Variants in TOM1L1 observed in about 807,000 individuals in gnomAD.
TOM1L1 encodes TOM1-like protein 1.
A neutral mutation model predicts 63.4 loss-of-function variants in TOM1L1; 64 were observed. That is an observed-to-expected ratio of 1.01 (90% CI 0.83 to 1.24). TOM1L1 has a LOEUF of 1.24. Among genes scored for constraint, TOM1L1 ranks in the 50% most tolerant of loss-of-function variants. The pLI is 0.00. For synonymous variants in TOM1L1, 166 were observed against 194.4 expected (o/e 0.85, Z 1.22); for missense variants, 536 against 567.0 (o/e 0.95, Z 0.55).
intron 3 of TOM1L1, among the ~76,000 whole-genome samples, chr17:54,911,060 T>C (rs1183127412): frequency 6.6e-6 from 1 of 152,226 alleles, no homozygotes; most frequent in Non-Finnish European, 1.5e-5. Flanking sequence ...CTTTTAGAAA[T>C]CTACTTCCTG....
At chr17:54,959,681 G>C (rs764047527) in intron 14 of TOM1L1, among the ~76,000 whole-genome samples, 12 of 148,602 alleles carry the variant, frequency 8.1e-5, no homozygotes, top group Non-Finnish European at 1.6e-4. Flanking sequence ...GCAGTGGCAC[G>C]ATCTCAGCTC....
chr17:54,947,601 C>T (rs191370451), intron 12 of TOM1L1, among the ~76,000 whole-genome samples: 21 of 152,276 alleles, frequency 1.4e-4, no homozygotes, highest in Non-Finnish European at 2.1e-4. Context: ...AACTGCAGTT[C>T]CATAGTCCCT....
intron 1 of TOM1L1, chr17:54,901,271 C>T (rs2048322758): frequency 2.8e-6 from 1 of 359,572 alleles, no homozygotes; most frequent in Admixed American, 3.8e-5. Flanking sequence ...CCTAAAGGCA[C>T]ATTCTCCAGG....
intron 11 of TOM1L1, among the ~76,000 whole-genome samples, chr17:54,943,838 C>T (rs989111426): frequency 3.3e-5 from 5 of 151,890 alleles, no homozygotes; most frequent in African/African-American, 7.3e-5. Context: ...ATTAGCTGGG[C>T]GTGGTGGCAG....
chr17:54,921,237 A>C (rs1033766528), intron 7 of TOM1L1, among the ~76,000 whole-genome samples: 2 of 152,162 alleles, frequency 1.3e-5, no homozygotes, highest in African/African-American at 2.4e-5. Context: ...TGCTTTCTTG[A>C]AAGTGTAGGC....
intron 7 of TOM1L1, among the ~76,000 whole-genome samples, chr17:54,928,128 T>G (rs1314894496): frequency 6.6e-6 from 1 of 152,162 alleles, no homozygotes; most frequent in African/African-American, 2.4e-5. Context: ...GGGGGTTATA[T>G]TAAATGCCAT....
chr17:54,913,981 A>C, intron 5 of TOM1L1, 108 bp downstream of exon 5: 2 of 1,261,652 alleles, frequency 1.6e-6, no homozygotes, highest in Non-Finnish European at 2.1e-6. Context: ...AAAAAGATGA[A>C]GTTATTAGAA....
At chr17:54,961,193 A>G in intron 15 of TOM1L1, 42 bp from the exon 16 acceptor site, 1 of 1,274,430 alleles carries the variant, frequency 7.8e-7, no homozygotes, top group Non-Finnish European at 1.1e-6. Context: ...GGGAAAGAGA[A>G]GGACAGGATG....
At chr17:54,915,674 C>A in intron 6 of TOM1L1, 72 bp from the exon 7 acceptor site, 1 of 1,038,302 alleles carries the variant, frequency 9.6e-7, no homozygotes, top group South Asian at 2.6e-5. Context: ...AGCAAATGTC[C>A]CATGGGGGCA....
At chr17:54,905,597 C>T (rs761559680) in intron 3 of TOM1L1, 30 bp downstream of exon 3, 23 of 1,346,794 alleles carry the variant, frequency 1.7e-5, no homozygotes, top group South Asian at 1.6e-4. Flanking sequence ...AATTAAGACT[C>T]GAGGATTTCT....
At chr17:54,952,453 A>G (rs1478352893) in intron 14 of TOM1L1, 1 of 151,750 alleles carries the variant, frequency 6.6e-6, no homozygotes, top group Admixed American at 6.6e-5. Flanking sequence ...AAGGTGAGGC[A>G]GAAAAATCGC....
chr17:54,920,715 G>A (rs2048670009), intron 7 of TOM1L1, among the ~76,000 whole-genome samples: 1 of 152,242 alleles, frequency 6.6e-6, no homozygotes, highest in African/African-American at 2.4e-5. Context: ...CGCTAAGTCA[G>A]GAGCAGGGAA....
At chr17:54,938,683 A>G (rs1567836218) in intron 10 of TOM1L1, 1 of 379,312 alleles carries the variant, frequency 2.6e-6, no homozygotes, top group South Asian at 5.0e-5. Flanking sequence ...ACTTCTTCTC[A>G]TGGCAGGGAA....
At chr17:54,931,956 TTTTGTTTG>T (rs1555610418) in intron 8 of TOM1L1, among the ~76,000 whole-genome samples, 4 of 130,298 alleles carry the variant, frequency 3.1e-5, no homozygotes, top group Admixed American at 1.5e-4. Flanking sequence ...TTCGTTTTTT[TTTTGTTTG>T]TTTGTTTGTT....
chr17:54,952,936 A>G (rs1457979043), intron 14 of TOM1L1: 1 of 152,244 alleles, frequency 6.6e-6, no homozygotes, highest in East Asian at 1.9e-4. Context: ...AGAAAGAATG[A>G]GTGAAAGTTT....
intron 8 of TOM1L1, among the ~76,000 whole-genome samples, chr17:54,932,710 C>T (rs1445092812): frequency 2.0e-5 from 3 of 152,112 alleles, no homozygotes; most frequent in African/African-American, 7.2e-5. Flanking sequence ...CGTGAGCCAC[C>T]GCGCCTGGCC....
rs192640008 is a variant in TOM1L1 at position 54,928,323 on chromosome 17, C to T, written c.721-1750C>T. Among the ~76,000 whole-genome samples, 612 of 151,792 alleles carry T rather than the reference C, an allele frequency of 4.0e-3. 1 individual carries two copies. The highest frequency in any genetic ancestry group is 0.024 in the Middle Eastern group (7 of 294). ...CACCATTGCCAATTCTTACAACAAC[C>T]TTACAAGATAGCTGTTCTCCTTGTA... On this transcript the variant is annotated intron_variant, in intron 7 of 15. Coordinates refer to ENST00000575882, the MANE Select transcript of TOM1L1 (RefSeq NM_005486.3).
At chr17:54,942,871 G>T (rs529807765) in intron 11 of TOM1L1, among the ~76,000 whole-genome samples, 79 of 152,230 alleles carry the variant, frequency 5.2e-4, no homozygotes, top group South Asian at 4.6e-3. Context: ...CAGCAGCCAG[G>T]AGTTTATTCT....
chr17:54,932,510 A>T (rs1409178649), intron 8 of TOM1L1, among the ~76,000 whole-genome samples: 2 of 152,056 alleles, frequency 1.3e-5, no homozygotes, highest in African/African-American at 4.8e-5. Flanking sequence ...TGGGCATAAG[A>T]CAATATGAGG....
Sources: allele counts gnomAD v4.1 joint callset (sites outside exome capture counted in the v4.1 genomes callset), GRCh38; gene constraint gnomAD v4.1.1; transcripts MANE v1.5; gene names NCBI Gene and HGNC (gene_info 2026-07-23, HGNC 2026-07-21).